Variants in DLGAP1 observed in about 807,000 individuals in gnomAD.
The protein encoded by DLGAP1 is disks large-associated protein 1.
DLGAP1 carries 11 observed loss-of-function variants against 90.8 expected under a neutral mutation model. That is an observed-to-expected ratio of 0.12 (90% CI 0.08 to 0.20). The LOEUF (loss-of-function observed/expected upper bound fraction) is 0.20. Ranked by LOEUF, DLGAP1 falls within the 10% of genes least tolerant of loss-of-function variation. The pLI, the probability that DLGAP1 is intolerant of heterozygous loss-of-function variation, is 1.00. For missense variants in DLGAP1, 1,050 were observed against 1,333.8 expected (o/e 0.79, Z 3.31); for synonymous variants, 558 against 540.7 (o/e 1.03, Z -0.44).
At chr18:3,628,396 G>C (rs558497719) in intron 7 of DLGAP1, among the ~76,000 whole-genome samples, 1 of 151,034 alleles carries the variant, frequency 6.6e-6, no homozygotes, top group Non-Finnish European at 1.5e-5. Context: ...GACCATGTCC[G>C]CCAGGGGTCT....
intron 1 of DLGAP1, among the ~76,000 whole-genome samples, chr18:4,453,857 G>T (rs1168005968): frequency 1.3e-5 from 2 of 152,242 alleles, no homozygotes; most frequent in African/African-American, 4.8e-5. Context: ...GAAGAGTCTC[G>T]CCTGGATCCA....
At chr18:3,716,581 G>A (rs1220477394) in intron 7 of DLGAP1, among the ~76,000 whole-genome samples, 3 of 151,974 alleles carry the variant, frequency 2.0e-5, no homozygotes, top group Non-Finnish European at 4.4e-5. Context: ...GCACACCTCA[G>A]AACATTTGAA....
At chr18:4,083,609 G>A (rs1479143528) in intron 2 of DLGAP1, among the ~76,000 whole-genome samples, 1 of 152,152 alleles carries the variant, frequency 6.6e-6, no homozygotes, top group Non-Finnish European at 1.5e-5. Flanking sequence ...TAATCATGCT[G>A]TACTTTGATC....
At chr18:4,069,186 C>A (rs2075411367) in intron 2 of DLGAP1, among the ~76,000 whole-genome samples, 1 of 152,066 alleles carries the variant, frequency 6.6e-6, no homozygotes, top group Non-Finnish European at 1.5e-5. Context: ...ACAGCAAAGG[C>A]ATTTTTTCCT....
At chr18:3,902,776 G>A (rs890836818) in intron 3 of DLGAP1, among the ~76,000 whole-genome samples, 1 of 152,018 alleles carries the variant, frequency 6.6e-6, no homozygotes, top group Non-Finnish European at 1.5e-5. Context: ...CTTTCCATGT[G>A]TATCAGCCCA....
chr18:4,045,204 T>C (rs887691373), intron 2 of DLGAP1, among the ~76,000 whole-genome samples: 1 of 151,890 alleles, frequency 6.6e-6, no homozygotes, highest in Non-Finnish European at 1.5e-5. Context: ...CTTTCACCTT[T>C]CTTGCCTTAG....
In DLGAP1 at chr18:3,999,283, TAC is replaced by T. The variant is rs949183846; in HGVS notation, c.-73+5831_-73+5832del. ...GACTTTTCTCCACCTGAAAGAAACA[TAC>T]ATATTATTATTAAAAGTTTATATGT... On this transcript the variant is annotated intron_variant, in intron 3 of 12. Coordinates refer to ENST00000315677, the MANE Select transcript of DLGAP1 (RefSeq NM_004746.4). 1.5e-3 allele frequency among the ~76,000 whole-genome samples: 227 copies of T among 152,138 alleles called. 1 individual carries two copies. Among genetic ancestry groups the T allele is most frequent in the African/African-American group, 5.2e-3 (217 of 41,530 alleles).
chr18:4,255,114 G>A (rs952570930), intron 1 of DLGAP1, among the ~76,000 whole-genome samples: 5 of 152,170 alleles, frequency 3.3e-5, no homozygotes, highest in Admixed American at 6.5e-5. Context: ...ACGTACGCCC[G>A]ATTAAAACCT....
chr18:3,580,848 C>A, intron 8 of DLGAP1: 1 of 1,350,354 alleles, frequency 7.4e-7, no homozygotes, highest in South Asian at 1.3e-5. Flanking sequence ...AGGCTCTGCC[C>A]CCGGGGTGAG....
At chr18:4,188,266 T>C (rs190789672) in intron 1 of DLGAP1, among the ~76,000 whole-genome samples, 5 of 152,316 alleles carry the variant, frequency 3.3e-5, no homozygotes, top group Non-Finnish European at 5.9e-5. Flanking sequence ...CACTCATTTA[T>C]TCAATTTCAA....
At chr18:4,287,897 A>G (rs921668687) in intron 1 of DLGAP1, among the ~76,000 whole-genome samples, 1 of 150,126 alleles carries the variant, frequency 6.7e-6, no homozygotes, top group Non-Finnish European at 1.5e-5. Flanking sequence ...TTTTAAAAAG[A>G]AAAAAAAAGA....
chr18:4,027,122 A>G (rs1327041754), intron 2 of DLGAP1, among the ~76,000 whole-genome samples: 1 of 152,118 alleles, frequency 6.6e-6, no homozygotes, highest in Non-Finnish European at 1.5e-5. Context: ...CATGCTTTTT[A>G]GGAAAAAGCA....
chr18:4,433,346 G>A (rs971226743), intron 1 of DLGAP1, among the ~76,000 whole-genome samples: 5 of 152,144 alleles, frequency 3.3e-5, no homozygotes, highest in African/African-American at 1.2e-4. Flanking sequence ...TAAGTTTACT[G>A]TTGAGGGCTG....
At chr18:3,615,995 G>T (rs2057847262) in intron 7 of DLGAP1, among the ~76,000 whole-genome samples, 1 of 152,206 alleles carries the variant, frequency 6.6e-6, no homozygotes, top group Admixed American at 6.5e-5. Flanking sequence ...GACCCATAGT[G>T]CAGCTAAGAC....
At chr18:4,317,494 G>C (rs568210572) in intron 1 of DLGAP1, among the ~76,000 whole-genome samples, 1 of 152,264 alleles carries the variant, frequency 6.6e-6, no homozygotes, top group South Asian at 2.1e-4. Context: ...ATAAAGGAGT[G>C]TACTTCTTGC....
At chr18:3,706,813 C>A (rs1305794848) in intron 7 of DLGAP1, among the ~76,000 whole-genome samples, 1 of 151,948 alleles carries the variant, frequency 6.6e-6, no homozygotes, top group South Asian at 2.1e-4. Context: ...CAAGAAACTT[C>A]AGGAAAGCAC....
At chr18:3,674,318 T>TATATATATATATATATATATATATGTA (rs2060216347) in intron 7 of DLGAP1, among the ~76,000 whole-genome samples, 1 of 145,892 alleles carries the variant, frequency 6.9e-6, no homozygotes, top group African/African-American at 2.6e-5. Flanking sequence ...TATATGTATA[T>TATATATATATATATATATATATATGTA]TTTAAAAAAT....
At chr18:3,500,727 A>G (rs1383397526) in intron 12 of DLGAP1, among the ~76,000 whole-genome samples, 1 of 152,192 alleles carries the variant, frequency 6.6e-6, no homozygotes, top group African/African-American at 2.4e-5. Context: ...CGTAAAAATC[A>G]AGCTAACTAA....
chr18:4,363,667 A>G (rs2144125593), intron 1 of DLGAP1, among the ~76,000 whole-genome samples: 1 of 152,346 alleles, frequency 6.6e-6, no homozygotes, highest in South Asian at 2.1e-4. Flanking sequence ...GCTCACCATC[A>G]CTGGTCATCA....
Sources: allele counts gnomAD v4.1 joint callset (sites outside exome capture counted in the v4.1 genomes callset), GRCh38; gene constraint gnomAD v4.1.1; transcripts MANE v1.5; gene names NCBI Gene and HGNC (gene_info 2026-07-23, HGNC 2026-07-21).